The following NFIB variants were observed in gnomAD, a reference collection of about 807,000 sequenced individuals.
The protein encoded by NFIB is nuclear factor I B.
In NFIB, 11 loss-of-function variants were observed where a neutral mutation model predicts 61.5. The observed-to-expected ratio is 0.18, with a 90% CI of 0.11 to 0.30. NFIB has a LOEUF of 0.30. Among genes scored for constraint, NFIB ranks in the 10% least tolerant of loss-of-function variants. The pLI, the probability that NFIB is intolerant of heterozygous loss-of-function variation, is 1.00. For missense variants in NFIB, 471 were observed against 608.9 expected (o/e 0.77, Z 2.38); for synonymous variants, 260 against 216.5 (o/e 1.20, Z -1.76).
chr9:14,416,742 T>C, the NFIB span, among the ~76,000 whole-genome samples: 5 of 151,976 alleles, frequency 3.3e-5, no homozygotes, highest in Non-Finnish European at 7.4e-5. Flanking sequence ...GTGGCCCAAG[T>C]GCACAGTCTT....
intron 1 of NFIB, among the ~76,000 whole-genome samples, chr9:14,387,897 C>A (rs2061567551): frequency 1.3e-5 from 2 of 152,142 alleles, no homozygotes; most frequent in Non-Finnish European, 2.9e-5. Context: ...GAGGAGGCTG[C>A]TCATAGCAGG....
the NFIB span, among the ~76,000 whole-genome samples, chr9:14,506,167 A>G: frequency 1.3e-5 from 2 of 152,220 alleles, no homozygotes; most frequent in Non-Finnish European, 2.9e-5. Flanking sequence ...CATCCTACAA[A>G]GTATGAATAC....
At chr9:14,287,715 C>T (rs1250805420) in intron 2 of NFIB, among the ~76,000 whole-genome samples, 1 of 151,968 alleles carries the variant, frequency 6.6e-6, no homozygotes, top group Non-Finnish European at 1.5e-5. Flanking sequence ...CCACTGCGCC[C>T]GGCCCACAGT....
intron 2 of NFIB, among the ~76,000 whole-genome samples, chr9:14,259,751 A>G (rs2056570171): frequency 6.6e-6 from 1 of 151,966 alleles, no homozygotes; most frequent in African/African-American, 2.4e-5. Context: ...AAATACAAAA[A>G]AAAATTAGCC....
At chr9:14,200,531 T>A (rs1011518387) in intron 2 of NFIB, among the ~76,000 whole-genome samples, 2 of 152,214 alleles carry the variant, frequency 1.3e-5, no homozygotes, top group Admixed American at 6.5e-5. Context: ...CTATTTTTTT[T>A]AAAACACGAC....
intron 2 of NFIB, among the ~76,000 whole-genome samples, chr9:14,193,562 T>G (rs1230162907): frequency 6.6e-6 from 1 of 152,180 alleles, no homozygotes; most frequent in Non-Finnish European, 1.5e-5. Context: ...AAGTCCCCAC[T>G]GGACATGAGG....
chr9:14,139,102 T>C (rs2041401391), intron 6 of NFIB, among the ~76,000 whole-genome samples: 1 of 152,148 alleles, frequency 6.6e-6, no homozygotes, highest in South Asian at 2.1e-4. Context: ...CCTAGGCCAT[T>C]TGTAAGTTTA....
At chr9:14,450,552 C>G in the NFIB span, among the ~76,000 whole-genome samples, 3 of 152,268 alleles carry the variant, frequency 2.0e-5, no homozygotes, top group Non-Finnish European at 4.4e-5. Context: ...TCTGTGTACT[C>G]CGATCTTTAC....
At chr9:14,482,356 G>C in the NFIB span, among the ~76,000 whole-genome samples, 1 of 152,102 alleles carries the variant, frequency 6.6e-6, no homozygotes, top group African/African-American at 2.4e-5. Flanking sequence ...TGGGGCAGGA[G>C]GGGATATCGT....
intron 10 of NFIB, among the ~76,000 whole-genome samples, chr9:14,099,882 G>A (rs1306493218): frequency 6.6e-6 from 1 of 152,078 alleles, no homozygotes; most frequent in Non-Finnish European, 1.5e-5. Flanking sequence ...GACCAGCCTG[G>A]CCAACATGGT....
chr9:14,135,824 A>G (rs914426223), intron 6 of NFIB, among the ~76,000 whole-genome samples: 1 of 152,156 alleles, frequency 6.6e-6, no homozygotes, highest in African/African-American at 2.4e-5. Flanking sequence ...ATGAGAAAGT[A>G]TGGTGGTCTT....
intron 2 of NFIB, among the ~76,000 whole-genome samples, chr9:14,299,670 T>A: frequency 6.6e-6 from 1 of 152,164 alleles, no homozygotes; most frequent in Non-Finnish European, 1.5e-5. Context: ...AATTACTTCA[T>A]CCATCACCCC....
intron 1 of NFIB, chr9:14,322,032 G>T (rs2060672924): frequency 8.2e-7 from 1 of 1,217,898 alleles, no homozygotes; most frequent in Non-Finnish European, 1.0e-6. Flanking sequence ...ACAGATTTGT[G>T]GATTTTCTCA....
chr9:14,274,910 C>T (rs1450106674), intron 2 of NFIB, among the ~76,000 whole-genome samples: 1 of 152,056 alleles, frequency 6.6e-6, no homozygotes, highest in Non-Finnish European at 1.5e-5. Flanking sequence ...CTTAAGAAAT[C>T]CAAGTGAACT....
chr9:14,277,981 G>A (rs1203546447), intron 2 of NFIB, among the ~76,000 whole-genome samples: 1 of 152,178 alleles, frequency 6.6e-6, no homozygotes, highest in African/African-American at 2.4e-5. Context: ...CTCCTGTGAT[G>A]ATCTCTGGGG....
the NFIB span, among the ~76,000 whole-genome samples, chr9:14,455,575 G>A: frequency 6.6e-6 from 1 of 152,124 alleles, no homozygotes; most frequent in Non-Finnish European, 1.5e-5. Flanking sequence ...ATGATTTAAT[G>A]AAGATGATGT....
At chr9:14,199,908 T>C (rs1030006838) in intron 2 of NFIB, among the ~76,000 whole-genome samples, 4 of 152,204 alleles carry the variant, frequency 2.6e-5, no homozygotes, top group African/African-American at 9.7e-5. Flanking sequence ...TATTTCTGTA[T>C]GTACTAGCAT....
At chr9:14,112,819 T>C (rs942029013) in intron 10 of NFIB, among the ~76,000 whole-genome samples, 180 bp downstream of exon 10, 1 of 152,078 alleles carries the variant, frequency 6.6e-6, no homozygotes, top group Admixed American at 6.5e-5. Flanking sequence ...TTTGAGAAAC[T>C]CTACTCAAAG....
intron 2 of NFIB, among the ~76,000 whole-genome samples, chr9:14,183,343 G>A (rs2047009663): frequency 6.6e-6 from 1 of 152,090 alleles, no homozygotes; most frequent in Non-Finnish European, 1.5e-5. Flanking sequence ...AGTCTTTGAG[G>A]AACAAGGCTG....
Sources: gnomAD v4.1 joint callset for allele counts (sites outside exome capture counted in the v4.1 genomes callset) on GRCh38, gnomAD v4.1.1 for gene constraint, MANE v1.5 for transcripts, NCBI Gene and HGNC (gene_info 2026-07-23, HGNC 2026-07-21) for gene names.